TCL1B: variants seen among roughly 807,000 people sequenced by gnomAD.
TCL1B encodes TCL1 family AKT coactivator B.
TCL1B carries 14 observed loss-of-function variants against 16.9 expected under a neutral mutation model. The observed-to-expected ratio is 0.83, with a 90% confidence interval of 0.55 to 1.30. The LOEUF (loss-of-function observed/expected upper bound fraction) is 1.30, where lower values mean the gene tolerates loss of function less well. TCL1B is among the 50% of genes most tolerant of loss of function. The probability of loss-of-function intolerance (pLI) is 0.00; values close to 1 mark genes in which losing one functional copy is unlikely to be tolerated. For missense variants in TCL1B, 166 were observed against 165.2 expected (o/e 1.00, Z -0.03); for synonymous variants, 79 against 66.6 (o/e 1.19, Z -0.91).
At chr14:95,691,533 T>C (rs1885885880) in intron 3 of TCL1B, 197 bp downstream of exon 3, 1 of 540,464 alleles carries the variant, frequency 1.9e-6, no homozygotes, top group Non-Finnish European at 3.3e-6. Flanking sequence ...AATAAGTTCC[T>C]AAAGCATGGG....
In TCL1B at chr14:95,686,458, C is replaced by T. The variant is rs1455163234; in HGVS notation, c.-10C>T. On this transcript the variant is annotated 5_prime_UTR_variant, in exon 1 of 4. Transcript: ENST00000340722. Reference sequence around the variant, plus strand: ...TGAGCCTAGAGGCGGGTCCCGGTTGCAGACTTGCCATGGCCTCCGAAGCTT... The same window carrying T: ...TGAGCCTAGAGGCGGGTCCCGGTTGTAGACTTGCCATGGCCTCCGAAGCTT... 2 of 1,579,290 alleles carry T rather than the reference C, an allele frequency of 1.3e-6. No individual in the cohort carries two copies. The highest frequency in any genetic ancestry group is 1.7e-6 in the Non-Finnish European group (2 of 1,164,194).
chr14:95,690,959 C>T (rs952702787), intron 2 of TCL1B, 53 bp downstream of exon 2: 15 of 1,585,654 alleles, frequency 9.5e-6, no homozygotes, highest in South Asian at 4.6e-5. Flanking sequence ...TGGTGACTGC[C>T]GTGGCCCTCT....
chr14:95,689,109 AC>A (rs1369610919), intron 1 of TCL1B, among the ~76,000 whole-genome samples: 1 of 151,802 alleles, frequency 6.6e-6, no homozygotes, highest in African/African-American at 2.4e-5. Flanking sequence ...ACACGGTGAA[AC>A]CCCGTCTCTA....
At chr14:95,688,000 G>T in intron 1 of TCL1B, among the ~76,000 whole-genome samples, 1 of 148,390 alleles carries the variant, frequency 6.7e-6, no homozygotes, top group Non-Finnish European at 1.5e-5. Context: ...ACAATTCACT[G>T]CCTGTTTGTT....
intron 3 of TCL1B, chr14:95,691,599 G>A (rs775420508): frequency 7.5e-5 from 26 of 345,130 alleles, no homozygotes; most frequent in Admixed American, 1.3e-4. Flanking sequence ...TGAGGTGTAC[G>A]TGTTAATGTC....
chr14:95,690,073 G>A (rs1228869927), intron 1 of TCL1B, among the ~76,000 whole-genome samples: 2 of 152,218 alleles, frequency 1.3e-5, no homozygotes, highest in African/African-American at 4.8e-5. Context: ...CCTGACGATA[G>A]CTTACAACAG....
chr14:95,687,255 TA>T (rs1885780697), intron 1 of TCL1B, among the ~76,000 whole-genome samples: 1 of 152,170 alleles, frequency 6.6e-6, no homozygotes, highest in Non-Finnish European at 1.5e-5. Flanking sequence ...CCCCAGGTGA[TA>T]ATGATAATGA....
chr14:95,691,345 G>A lies in TCL1B; in HGVS notation c.*15+9G>A, dbSNP rs199812784. The stretch of plus-strand genomic sequence containing the variant: ...GACACTGGGAGTGGCTGGTATGTTG[G>A]GGCCCTGTGCGTCTCAGTGTAGGGA... On this transcript the variant is annotated intron_variant, in intron 3 of 3. Coordinates refer to ENST00000340722, the MANE Select transcript of TCL1B (RefSeq NM_004918.4). 15 of 1,612,682 alleles carry A rather than the reference G, an allele frequency of 9.3e-6. No homozygotes were observed. In the African/African-American group the frequency reaches 1.9e-4, roughly 20 times the overall value.
chr14:95,686,500 GC>G lies in TCL1B; in HGVS notation c.38del (p.Pro13LeufsTer21). On this transcript the variant is annotated frameshift_variant, in exon 1 of 4. Coordinates refer to ENST00000340722, the MANE Select transcript of TCL1B (RefSeq NM_004918.4). LOFTEE classifies it high-confidence loss of function. ...ASEASVRLGV[P>X]PGRLWIQRPG... is the part of the protein sequence containing the mutation. ...CCGAAGCTTCTGTGCGTCTAGGGGTGCCCCCTGGCCGTCTGTGGATCCAGAG... is the reference window on the plus strand; with the variant it reads ...CCGAAGCTTCTGTGCGTCTAGGGGTGCCCCTGGCCGTCTGTGGATCCAGAG... 6.2e-7 allele frequency: 1 copy of G among 1,611,860 alleles called. No individual in the cohort carries two copies. Among genetic ancestry groups the G allele is most frequent in the South Asian group, 1.1e-5 (1 of 90,772 alleles).
At position 95,688,583 on chromosome 14, in the gene TCL1B, TCTGAAG is replaced by T. The variant is rs142630174; in HGVS notation, c.162+1956_162+1961del. 4.3e-3 allele frequency among the ~76,000 whole-genome samples: 656 copies of T among 152,274 alleles called. 6 individuals are homozygous for T. The highest frequency in any genetic ancestry group is 0.015 in the African/African-American group (616 of 41,536). On this transcript the variant is annotated intron_variant, in intron 1 of 3. Coordinates refer to ENST00000340722, the MANE Select transcript of TCL1B (RefSeq NM_004918.4). ...GCTTCTGGATATATACCCACAAGAC[TCTGAAG>T]CCGGAACTTAAGCATGTATTCATAC...
At chr14:95,688,141 G>A (rs938927758) in intron 1 of TCL1B, 2 of 150,244 alleles carry the variant, frequency 1.3e-5, no homozygotes, top group African/African-American at 4.9e-5. Flanking sequence ...GATTACAGGC[G>A]ATTTTTTTTT....
At chr14:95,689,218 C>A (rs1181640915) in intron 1 of TCL1B, 5 of 151,968 alleles carry the variant, frequency 3.3e-5, no homozygotes, top group Admixed American at 1.3e-4. Flanking sequence ...ACCTGGGAGG[C>A]AGAGCTTGCA....
intron 1 of TCL1B, 27 bp from the exon 2 acceptor site, chr14:95,690,709 T>G: frequency 6.3e-7 from 1 of 1,592,352 alleles, no homozygotes; most frequent in Non-Finnish European, 8.6e-7. Context: ...TATCCATGAT[T>G]TGCCGCCTCT....
intron 1 of TCL1B, among the ~76,000 whole-genome samples, chr14:95,690,363 C>T (rs763255282): frequency 2.8e-4 from 38 of 135,202 alleles, no homozygotes; most frequent in African/African-American, 9.8e-4. Context: ...TATATTTTGG[C>T]GGGAAAATCT....
intron 1 of TCL1B, among the ~76,000 whole-genome samples, chr14:95,686,912 C>T (rs1885774655): frequency 6.6e-6 from 1 of 152,162 alleles, no homozygotes; most frequent in African/African-American, 2.4e-5. Flanking sequence ...CCAGTGCCTG[C>T]TGGGAAGGCC....
In TCL1B at chr14:95,690,777, G is replaced by C. The variant is rs1307725107; in HGVS notation, c.204G>C (p.Val68=). 1 of 1,614,210 alleles carries C rather than the reference G, an allele frequency of 6.2e-7. No homozygotes were observed. Among genetic ancestry groups the C allele is most frequent in the Non-Finnish European group, 8.5e-7 (1 of 1,180,022 alleles). Residue 68 remains valine, a synonymous_variant, in exon 2 of 4, where the codon GTG becomes GTC. Transcript: ENST00000340722. The part of the protein sequence containing the change: ...SITVHLWQMA[V]HTRELLSSGQ... ...CAGTGCACTTGTGGCAGATGGCAGT[G>C]CATACCCGGGAGCTACTCTCCTCCG...
At chr14:95,689,241 CCA>C (rs2139704717) in intron 1 of TCL1B, 1 of 152,168 alleles carries the variant, frequency 6.6e-6, no homozygotes, top group African/African-American at 2.4e-5. Flanking sequence ...GAGCTGAGAT[CCA>C]GCCACTGCAC....
chr14:95,691,574 C>T, intron 3 of TCL1B: 1 of 413,596 alleles, frequency 2.4e-6, no homozygotes, highest in Admixed American at 3.9e-5. Context: ...TCATTTAATC[C>T]TTGTGAGAAT....
chr14:95,690,822 G>T lies in TCL1B; in HGVS notation c.249G>T (p.Gln83His), dbSNP rs1425179068. Residue 83 changes from glutamine (Q) to histidine (H), a missense_variant, in exon 2 of 4, where the codon CAG (glutamine) becomes CAT (histidine). By Grantham distance (24) the Gln-to-His change is conservative. Coordinates refer to ENST00000340722, the MANE Select transcript of TCL1B (RefSeq NM_004918.4). The stretch of plus-strand genomic sequence containing the variant: ...CCTCCGGCCAGATGCCCTTCTCCCA[G>T]CTGCCCGCCGTGTGGCAGCTCTACC... ...LLSSGQMPFS[Q>H]LPAVWQLYPG... is the part of the protein sequence containing the mutation. The T allele has an allele frequency of 1.2e-6, 2 of 1,613,984 alleles. No homozygotes were observed. The highest frequency in any genetic ancestry group is 1.7e-6 in the Non-Finnish European group (2 of 1,179,940).
Sources: allele counts gnomAD v4.1 joint callset (sites outside exome capture counted in the v4.1 genomes callset), GRCh38; gene constraint gnomAD v4.1.1; transcripts MANE v1.5; gene names NCBI Gene and HGNC (gene_info 2026-07-23, HGNC 2026-07-21).